DACH2: variants seen among roughly 807,000 people sequenced by gnomAD.
DACH2 encodes dachshund homolog 2.
In DACH2, 17 loss-of-function variants were observed where a neutral mutation model predicts 35.8. The observed-to-expected ratio is 0.48, with a 90% CI of 0.33 to 0.71. DACH2 has a LOEUF of 0.71. DACH2 is among the 30% of genes least tolerant of loss of function. The pLI, the probability that DACH2 is intolerant of heterozygous loss-of-function variation, is 0.02. For synonymous variants in DACH2, 195 were observed against 177.3 expected (o/e 1.10, Z -0.79); for missense variants, 469 against 472.7 (o/e 0.99, Z 0.07).
At chrX:86,778,133 C>A (rs1406357377) in intron 7 of DACH2, among the ~76,000 whole-genome samples, 1 of 111,338 alleles carries the variant, frequency 9.0e-6, no homozygotes, top group Non-Finnish European at 1.9e-5. Flanking sequence ...ATACTGATTT[C>A]ATTTCCTTTG....
chrX:86,225,484 A>C lies in DACH2; in HGVS notation c.488+76376A>C, dbSNP rs183483887. On this transcript the variant is annotated intron_variant, in intron 1 of 11. Coordinates refer to ENST00000373125, the MANE Select transcript of DACH2 (RefSeq NM_053281.3). ...AATTCTTTTTTGCATAAAGTGTCTC[A>C]AAATGTGACACAAAATTCTTCTCAG... Among the ~76,000 whole-genome samples, 352 of 111,382 alleles carry C rather than the reference A, an allele frequency of 3.2e-3. 1 individual carries two copies. Among genetic ancestry groups the C allele is most frequent in the African/African-American group, 0.011 (324 of 30,748 alleles).
intron 2 of DACH2, among the ~76,000 whole-genome samples, chrX:86,420,378 A>T (rs938004603): frequency 8.9e-6 from 1 of 112,169 alleles, no homozygotes; most frequent in African/African-American, 3.2e-5. Context: ...CTGTTAATAA[A>T]TTTTTGTGAC....
At chrX:86,365,757 A>C (rs1196989407) in intron 1 of DACH2, among the ~76,000 whole-genome samples, 1 of 111,324 alleles carries the variant, frequency 9.0e-6, no homozygotes, top group Non-Finnish European at 1.9e-5. Flanking sequence ...GTACTGTTTT[A>C]TAATGTTTGC....
At chrX:86,582,350 C>A (rs1385539478) in intron 3 of DACH2, among the ~76,000 whole-genome samples, 1 of 109,653 alleles carries the variant, frequency 9.1e-6, no homozygotes, top group Non-Finnish European at 1.9e-5. Context: ...CAGGAAATAA[C>A]CAAAATCAGA....
At chrX:86,484,286 C>A (rs1184271489) in intron 2 of DACH2, among the ~76,000 whole-genome samples, 3 of 111,676 alleles carry the variant, frequency 2.7e-5, no homozygotes, top group Non-Finnish European at 5.6e-5. Context: ...GTCATAGTTT[C>A]CTAAGCGTGC....
intron 1 of DACH2, among the ~76,000 whole-genome samples, chrX:86,293,883 A>T (rs1332480588): frequency 1.8e-5 from 2 of 110,712 alleles, no homozygotes; most frequent in East Asian, 5.7e-4. Context: ...AACTTTGGTG[A>T]ATCTGACAAT....
At chrX:86,576,984 G>A (rs1400058147) in intron 3 of DACH2, among the ~76,000 whole-genome samples, 2 of 111,801 alleles carry the variant, frequency 1.8e-5, no homozygotes, top group Non-Finnish European at 3.8e-5. Flanking sequence ...ATAGCCTGTA[G>A]AACTGTGAGC....
At chrX:86,650,061 G>A (rs2040460429) in intron 3 of DACH2, among the ~76,000 whole-genome samples, 1 of 110,477 alleles carries the variant, frequency 9.1e-6, no homozygotes, top group African/African-American at 3.3e-5. Flanking sequence ...TTGGAGTATG[G>A]ATTGTTCTGG....
intron 1 of DACH2, among the ~76,000 whole-genome samples, chrX:86,363,482 A>G (rs1330108951): frequency 9.0e-6 from 1 of 111,564 alleles, no homozygotes; most frequent in Non-Finnish European, 1.9e-5. Flanking sequence ...CGGTCATATG[A>G]CAACATGATA....
At chrX:86,695,260 G>A (rs1337139586) in intron 5 of DACH2, 81 bp downstream of exon 5, 1 of 811,559 alleles carries the variant, frequency 1.2e-6, no homozygotes, top group Non-Finnish European at 1.6e-6. Context: ...GGCTGGCAGG[G>A]CTTAGTCTAT....
intron 1 of DACH2, among the ~76,000 whole-genome samples, chrX:86,359,845 C>T (rs929397263): frequency 1.9e-4 from 21 of 111,024 alleles, no homozygotes; most frequent in Middle Eastern, 9.3e-3. Flanking sequence ...GCCTGCCCAG[C>T]GAGTACATTT....
In DACH2 at chrX:86,213,358, G is replaced by A. The variant is rs966320809; in HGVS notation, c.488+64250G>A. On this transcript the variant is annotated intron_variant, in intron 1 of 11. Transcript: ENST00000373125. The stretch of plus-strand genomic sequence containing the variant: ...CTTCTGCTCATAACAATTTTGAGTC[G>A]TCCGTTTTTGTAATTATTTTCTAAT... Among the ~76,000 whole-genome samples the A allele has an allele frequency of 6.3e-5, 7 of 110,842 alleles. No homozygotes were observed. The East Asian group carries it at 1.1e-3, about 18-fold the overall frequency.
At chrX:86,314,875 G>A (rs1424513639) in intron 1 of DACH2, among the ~76,000 whole-genome samples, 1 of 112,194 alleles carries the variant, frequency 8.9e-6, no homozygotes, top group Non-Finnish European at 1.9e-5. Flanking sequence ...GTCAGTTCAT[G>A]AGGACTTAAG....
Position 86,757,138 on chromosome X carries a change from T to G in DACH2, c.1240+17256T>G, listed in dbSNP as rs572288606. Reference sequence around the variant, plus strand: ...TGCTAGTATTTTGTTTAGAATTTTATTTTTTAATTTTTAAGTATTATGGAT... The same window carrying G: ...TGCTAGTATTTTGTTTAGAATTTTAGTTTTTAATTTTTAAGTATTATGGAT... On this transcript the variant is annotated intron_variant, in intron 7 of 11. Transcript: ENST00000373125. Among the ~76,000 whole-genome samples the G allele has an allele frequency of 4.5e-5, 5 of 111,737 alleles. No individual in the cohort carries two copies. In the South Asian group the frequency reaches 1.9e-3, roughly 41 times the overall value.
intron 1 of DACH2, among the ~76,000 whole-genome samples, chrX:86,367,111 G>T (rs2035816961): frequency 9.0e-6 from 1 of 110,848 alleles, no homozygotes; most frequent in Admixed American, 9.7e-5. Flanking sequence ...GAGTTTTAAA[G>T]AGCAAATTTA....
At chrX:86,662,393 A>T (rs2040614505) in intron 4 of DACH2, among the ~76,000 whole-genome samples, 1 of 111,619 alleles carries the variant, frequency 9.0e-6, no homozygotes, top group Admixed American at 9.5e-5. Context: ...GGAGATCGAG[A>T]TCATCCTGGC....
intron 1 of DACH2, among the ~76,000 whole-genome samples, chrX:86,273,046 AT>A (rs1346533846): frequency 1.8e-5 from 2 of 111,742 alleles, no homozygotes; most frequent in Non-Finnish European, 3.8e-5. Flanking sequence ...AATGGGAGAC[AT>A]GCAAATGACC....
intron 2 of DACH2, among the ~76,000 whole-genome samples, chrX:86,434,520 A>G (rs2037036503): frequency 8.9e-6 from 1 of 111,844 alleles, no homozygotes; most frequent in Non-Finnish European, 1.9e-5. Flanking sequence ...AATACAAGTA[A>G]AAGTATAGAA....
chrX:86,349,693 C>T (rs2035560486), intron 1 of DACH2, among the ~76,000 whole-genome samples: 1 of 112,226 alleles, frequency 8.9e-6, no homozygotes, highest in African/African-American at 3.2e-5. Context: ...TGGTTAAATA[C>T]TCTTATACAT....
Sources: allele counts gnomAD v4.1 joint callset (sites outside exome capture counted in the v4.1 genomes callset), GRCh38; gene constraint gnomAD v4.1.1; transcripts MANE v1.5; gene names NCBI Gene and HGNC (gene_info 2026-07-23, HGNC 2026-07-21).